CDH12: variants seen among roughly 807,000 people sequenced by gnomAD.
CDH12 encodes the protein cadherin 12.
A neutral mutation model predicts 74.1 loss-of-function variants in CDH12; 41 were observed. The ratio of observed to expected loss-of-function variants is 0.55; its 90% CI spans 0.43 to 0.72. The LOEUF is 0.72. Ranked by LOEUF, CDH12 falls within the 30% of genes least tolerant of loss-of-function variation. The pLI, the probability that CDH12 is intolerant of heterozygous loss-of-function variation, is 0.00. For missense variants in CDH12, 945 were observed against 977.2 expected, an observed-to-expected ratio of 0.97 and a Z score of 0.44; for synonymous variants, 399 against 355.0, an observed-to-expected ratio of 1.12 and a Z score of -1.39.
chr5:21,782,613 A>G (rs1158190748), intron 11 of CDH12, among the ~76,000 whole-genome samples: 1 of 152,220 alleles, frequency 6.6e-6, no homozygotes, highest in African/African-American at 2.4e-5. Context: ...AAACGTTTCA[A>G]GAGACCATAA....
intron 3 of CDH12, among the ~76,000 whole-genome samples, chr5:22,291,943 C>T (rs1737404269): frequency 6.6e-6 from 1 of 152,236 alleles, no homozygotes; most frequent in South Asian, 2.1e-4. Flanking sequence ...TACCACCTGA[C>T]TTCAAAATAA....
intron 5 of CDH12, among the ~76,000 whole-genome samples, chr5:22,036,142 A>G (rs4701563): frequency 0.32 from 49,123 of 152,088 alleles, 9,628 homozygotes; most frequent in African/African-American, 0.56. Context: ...TTTTTCCTGC[A>G]GCTTACTGTT....
chr5:22,748,557 C>T (rs919193981), intron 1 of CDH12, among the ~76,000 whole-genome samples: 2 of 152,210 alleles, frequency 1.3e-5, no homozygotes, highest in Middle Eastern at 3.4e-3. Flanking sequence ...TTTCCAGAAG[C>T]TTAATGAAAG....
At chr5:22,686,386 A>G (rs965700196) in intron 1 of CDH12, among the ~76,000 whole-genome samples, 3 of 152,202 alleles carry the variant, frequency 2.0e-5, no homozygotes, top group Non-Finnish European at 2.9e-5. Context: ...GATTTTGATA[A>G]AGTACAATTT....
At chr5:21,880,799 C>G (rs1561269152) in intron 6 of CDH12, among the ~76,000 whole-genome samples, 2 of 151,462 alleles carry the variant, frequency 1.3e-5, no homozygotes. Flanking sequence ...CCAGTGCACC[C>G]CAGCTCTCAG....
In CDH12 at chr5:21,750,803, A is replaced by G. The variant is rs1198981368; in HGVS notation, c.*934T>C. 1.3e-5 allele frequency: 2 copies of G among 152,146 alleles called. No homozygotes were observed. Among genetic ancestry groups the G allele is most frequent in the Non-Finnish European group, 2.9e-5 (2 of 68,006 alleles). 9.4% of individuals were successfully genotyped at this position (152,146 alleles called of 1,614,324 possible). A position where few individuals can be genotyped will look rare whatever the true frequency, so the allele number is the denominator to read the frequency against. On this transcript the variant is annotated 3_prime_UTR_variant, in exon 15 of 15. Transcript: ENST00000382254. ...AATTTTCATAGAAACACAACTTGAA[A>G]TTACATCTATGACTAAAAGCTGAAT...
At chr5:21,897,912 T>C (rs1482261307) in intron 6 of CDH12, among the ~76,000 whole-genome samples, 1 of 152,138 alleles carries the variant, frequency 6.6e-6, no homozygotes, top group Non-Finnish European at 1.5e-5. Context: ...CACAATGTCA[T>C]TAAAATGTAA....
intron 1 of CDH12, among the ~76,000 whole-genome samples, chr5:22,659,117 TTTTC>T (rs1310545986): frequency 2.0e-5 from 3 of 152,142 alleles, no homozygotes; most frequent in African/African-American, 7.2e-5. Flanking sequence ...ATCTGTTGAA[TTTTC>T]TTTGTGTCCA....
chr5:22,739,036 A>C (rs1228762562), intron 1 of CDH12, among the ~76,000 whole-genome samples: 1 of 152,056 alleles, frequency 6.6e-6, no homozygotes, highest in African/African-American at 2.4e-5. Context: ...ACTATACATT[A>C]ATTTCATTAT....
At chr5:22,643,712 C>A (rs972558527) in intron 1 of CDH12, among the ~76,000 whole-genome samples, 4 of 123,670 alleles carry the variant, frequency 3.2e-5, no homozygotes, top group African/African-American at 1.2e-4. Flanking sequence ...CATTTTATTG[C>A]GCTTTTGGAT....
intron 2 of CDH12, among the ~76,000 whole-genome samples, chr5:22,471,969 T>C (rs1488153324): frequency 6.6e-6 from 1 of 152,142 alleles, no homozygotes; most frequent in African/African-American, 2.4e-5. Context: ...TGAAGATTTA[T>C]AGTCAAGGAG....
intron 5 of CDH12, among the ~76,000 whole-genome samples, chr5:22,002,542 C>A (rs935896103): frequency 6.6e-6 from 1 of 151,972 alleles, no homozygotes; most frequent in African/African-American, 2.4e-5. Flanking sequence ...AATTAAAATT[C>A]AATTAAATCA....
intron 4 of CDH12, among the ~76,000 whole-genome samples, chr5:22,199,471 G>T (rs1164365432): frequency 6.6e-6 from 1 of 152,188 alleles, no homozygotes. Context: ...AAAAGAATCA[G>T]TGTGAAGCAT....
intron 2 of CDH12, among the ~76,000 whole-genome samples, chr5:22,440,902 A>C (rs1744597373): frequency 6.6e-6 from 1 of 152,200 alleles, no homozygotes; most frequent in South Asian, 2.1e-4. Flanking sequence ...AAATACGGAC[A>C]TTTTAAGCAA....
At position 22,774,170 on chromosome 5, in the gene CDH12, G is replaced by A. The variant is rs1746966480; in HGVS notation, c.-523+78888C>T. Among the ~76,000 whole-genome samples the A allele has an allele frequency of 2.6e-5, 4 of 152,038 alleles. No individual in the cohort carries two copies. In the South Asian group the frequency reaches 8.3e-4, roughly 31 times the overall value. On this transcript the variant is annotated intron_variant, in intron 1 of 14. Coordinates refer to ENST00000382254, the MANE Select transcript of CDH12 (RefSeq NM_004061.5). ...TGTATGTTCATTGTTATATATTCATGCACATGTATGTTCATTGTAGCACTA... is the reference window on the plus strand; with the variant it reads ...TGTATGTTCATTGTTATATATTCATACACATGTATGTTCATTGTAGCACTA...
intron 2 of CDH12, among the ~76,000 whole-genome samples, chr5:22,421,259 T>C (rs1580630827): frequency 6.6e-6 from 1 of 152,178 alleles, no homozygotes; most frequent in Non-Finnish European, 1.5e-5. Flanking sequence ...TACACAGGTA[T>C]ACACGTGCCA....
chr5:22,133,067 C>A (rs574218875), intron 4 of CDH12, among the ~76,000 whole-genome samples: 1 of 152,030 alleles, frequency 6.6e-6, no homozygotes, highest in Non-Finnish European at 1.5e-5. Flanking sequence ...TCATCTCAGA[C>A]ACATAAGCAG....
intron 2 of CDH12, among the ~76,000 whole-genome samples, chr5:22,466,271 A>T (rs909446918): frequency 8.5e-5 from 13 of 152,154 alleles, no homozygotes; most frequent in Middle Eastern, 3.4e-3. Flanking sequence ...GAATAACAGG[A>T]GTTGTTTTGT....
intron 2 of CDH12, among the ~76,000 whole-genome samples, chr5:22,441,099 A>G (rs974226244): frequency 6.6e-6 from 1 of 152,148 alleles, no homozygotes; most frequent in African/African-American, 2.4e-5. Flanking sequence ...AGGGCCTACT[A>G]TTCACTATGT....
Sources: allele counts gnomAD v4.1 joint callset (sites outside exome capture counted in the v4.1 genomes callset), GRCh38; gene constraint gnomAD v4.1.1; transcripts MANE v1.5; gene names NCBI Gene and HGNC (gene_info 2026-07-23, HGNC 2026-07-21).